DGKI: variants seen among roughly 807,000 people sequenced by gnomAD.
DGKI encodes diacylglycerol kinase iota, also known as DAG kinase iota.
A neutral mutation model predicts 147.5 loss-of-function variants in DGKI; 55 were observed. The ratio of observed to expected loss-of-function variants is 0.37; its 90% confidence interval spans 0.30 to 0.47. The LOEUF (loss-of-function observed/expected upper bound fraction) is 0.47, where lower values mean the gene tolerates loss of function less well. Ranked by LOEUF, DGKI falls within the 20% of genes least tolerant of loss-of-function variation. DGKI has a pLI of 1.00. For missense variants in DGKI, 1,007 were observed against 1,323.8 expected, an observed-to-expected ratio of 0.76 and a Z score of 3.71; for synonymous variants, 469 against 477.1, an observed-to-expected ratio of 0.98 and a Z score of 0.22.
intron 4 of DGKI, among the ~76,000 whole-genome samples, chr7:137,655,087 GGAAA>G (rs1488739284): frequency 6.6e-6 from 1 of 152,106 alleles, no homozygotes; most frequent in African/African-American, 2.4e-5. Flanking sequence ...AAGAGCCAGA[GGAAA>G]GATACTGGCA....
At chr7:137,436,442 A>G (rs1373488852) in intron 28 of DGKI, among the ~76,000 whole-genome samples, 1 of 152,148 alleles carries the variant, frequency 6.6e-6, no homozygotes, top group Non-Finnish European at 1.5e-5. Flanking sequence ...AATTTCAGCA[A>G]TGCTATTGAC....
At chr7:137,658,625 T>C (rs990549898) in intron 3 of DGKI, among the ~76,000 whole-genome samples, 15 of 152,190 alleles carry the variant, frequency 9.9e-5, no homozygotes, top group Non-Finnish European at 1.0e-4. Flanking sequence ...TTAAGTTCTA[T>C]GGAGTTCCAG....
In DGKI at chr7:137,499,246, C is replaced by T. The variant is rs770831656; in HGVS notation, c.2249-11557G>A. Among the ~76,000 whole-genome samples the T allele has an allele frequency of 1.7e-3, 256 of 152,230 alleles. 2 individuals are homozygous for T. The highest frequency in any genetic ancestry group is 1.4e-3 in the Non-Finnish European group (96 of 68,012). On this transcript the variant is annotated intron_variant, in intron 21 of 32. Coordinates refer to ENST00000614521, the MANE Select transcript of DGKI (RefSeq NM_001321708.2). ...CCCAGTAGAACAGTGAGGGGTGGTA[C>T]TTGTTCTATTTCTTAGTCTAAGTGG...
intron 1 of DGKI, among the ~76,000 whole-genome samples, chr7:137,712,766 C>CT (rs1251387653): frequency 2.6e-5 from 4 of 152,178 alleles, no homozygotes; most frequent in African/African-American, 9.7e-5. Context: ...TTATTTGAAA[C>CT]TAAGTTTGAT....
intron 10 of DGKI, among the ~76,000 whole-genome samples, chr7:137,606,990 G>A (rs536024141): frequency 3.7e-4 from 57 of 152,320 alleles, no homozygotes; most frequent in Non-Finnish European, 6.5e-4. Context: ...TATCATGCAA[G>A]TGTGTACCAA....
At chr7:137,675,683 C>CAAA (rs61282606) in intron 3 of DGKI, among the ~76,000 whole-genome samples, 4 of 107,706 alleles carry the variant, frequency 3.7e-5, no homozygotes, top group African/African-American at 9.9e-5. Flanking sequence ...AGACTACATC[C>CAAA]AAAAAAAAAA....
chr7:137,582,326 G>C (rs1057107048), intron 14 of DGKI, among the ~76,000 whole-genome samples: 2 of 152,012 alleles, frequency 1.3e-5, no homozygotes, highest in East Asian at 3.9e-4. Context: ...AACTTAATCA[G>C]TGGATGTGCG....
intron 8 of DGKI, among the ~76,000 whole-genome samples, chr7:137,614,526 A>G (rs2128994829): frequency 6.6e-6 from 1 of 152,278 alleles, no homozygotes; most frequent in South Asian, 2.1e-4. Context: ...TATAACTTGG[A>G]CTTCAAATAT....
intron 1 of DGKI, among the ~76,000 whole-genome samples, chr7:137,761,047 C>T (rs1023185388): frequency 5.3e-5 from 8 of 152,166 alleles, no homozygotes; most frequent in Non-Finnish European, 1.2e-4. Context: ...CATCTTAAAA[C>T]GACATCCCTA....
chr7:137,527,210 C>T (rs1817181152), intron 20 of DGKI, among the ~76,000 whole-genome samples: 2 of 152,174 alleles, frequency 1.3e-5, no homozygotes, highest in Admixed American at 6.6e-5. Flanking sequence ...TTAGCACCTT[C>T]CTGGCAAATA....
At chr7:137,738,718 T>G (rs921541669) in intron 1 of DGKI, among the ~76,000 whole-genome samples, 7 of 77,254 alleles carry the variant, frequency 9.1e-5, no homozygotes, top group Non-Finnish European at 1.5e-4. Context: ...ACAGAGAAGA[T>G]GAGGTTCCCC....
chr7:137,574,557 A>T (rs1448515911), intron 17 of DGKI, among the ~76,000 whole-genome samples: 2 of 152,216 alleles, frequency 1.3e-5, no homozygotes, highest in African/African-American at 4.8e-5. Context: ...TCTGGGAAAC[A>T]TGTTAGTGAT....
intron 27 of DGKI, among the ~76,000 whole-genome samples, chr7:137,450,222 T>C (rs1813897781): frequency 6.6e-6 from 1 of 152,176 alleles, no homozygotes; most frequent in African/African-American, 2.4e-5. Context: ...TGGTATAGCA[T>C]GCTGACTATA....
intron 21 of DGKI, among the ~76,000 whole-genome samples, chr7:137,492,531 T>C (rs969422492): frequency 6.6e-6 from 1 of 152,136 alleles, no homozygotes; most frequent in African/African-American, 2.4e-5. Flanking sequence ...AGGAATGACA[T>C]ACTCTCACCA....
At chr7:137,456,198 C>T (rs1438101368) in intron 27 of DGKI, among the ~76,000 whole-genome samples, 1 of 152,128 alleles carries the variant, frequency 6.6e-6, no homozygotes, top group African/African-American at 2.4e-5. Context: ...CCAAGTCAGG[C>T]ATTCAGGTGT....
At chr7:137,557,405 G>C (rs1818261244) in intron 19 of DGKI, among the ~76,000 whole-genome samples, 2 of 152,232 alleles carry the variant, frequency 1.3e-5, no homozygotes, top group Middle Eastern at 6.8e-3. Context: ...TAACAGAACA[G>C]AATAGACTCA....
chr7:137,587,241 TAAGA>T, intron 12 of DGKI, 31 bp from the exon 13 acceptor site: 2 of 1,521,676 alleles, frequency 1.3e-6, no homozygotes, highest in African/African-American at 1.4e-5. Flanking sequence ...AGAAGAGATA[TAAGA>T]AAGATAAATA....
intron 1 of DGKI, among the ~76,000 whole-genome samples, chr7:137,774,302 TAA>T: frequency 6.7e-6 from 1 of 149,622 alleles, no homozygotes; most frequent in South Asian, 2.1e-4. Flanking sequence ...CCAACTGTTT[TAA>T]AAAAAAAAAT....
At chr7:137,426,090 A>G (rs1812791493) in intron 28 of DGKI, among the ~76,000 whole-genome samples, 1 of 152,220 alleles carries the variant, frequency 6.6e-6, no homozygotes, top group Admixed American at 6.5e-5. Flanking sequence ...TCCAAGGCAC[A>G]TAATTGTCAG....
Sources: gnomAD v4.1 joint callset for allele counts (sites outside exome capture counted in the v4.1 genomes callset) on GRCh38, gnomAD v4.1.1 for gene constraint, MANE v1.5 for transcripts, NCBI Gene and HGNC (gene_info 2026-07-23, HGNC 2026-07-21) for gene names.